KMT2C: variants seen among roughly 807,000 people sequenced by gnomAD.
KMT2C encodes the protein histone-lysine N-methyltransferase 2C.
KMT2C carries 88 observed loss-of-function variants against 507.9 expected under a neutral mutation model. That is an observed-to-expected ratio of 0.17 (90% CI 0.15 to 0.21). The LOEUF is 0.21. Ranked by LOEUF, KMT2C falls within the 10% of genes least tolerant of loss-of-function variation. The pLI is 1.00. For missense variants in KMT2C, 4,954 were observed against 5,957.8 expected (o/e 0.83, Z 5.55); for synonymous variants, 2,049 against 2,080.8 (o/e 0.98, Z 0.42).
intron 6 of KMT2C, among the ~76,000 whole-genome samples, chr7:152,305,187 T>C (rs539446492): frequency 6.6e-6 from 1 of 152,200 alleles, no homozygotes; most frequent in African/African-American, 2.4e-5. Flanking sequence ...ACTAGTATAC[T>C]AGTGAGAGGG....
At chr7:152,413,167 T>A (rs1224750978) in intron 1 of KMT2C, among the ~76,000 whole-genome samples, 2 of 152,166 alleles carry the variant, frequency 1.3e-5, no homozygotes, top group Admixed American at 6.5e-5. Context: ...CAGGCTGGAG[T>A]GCAGTGGTGC....
intron 1 of KMT2C, among the ~76,000 whole-genome samples, chr7:152,395,359 C>A (rs1179296085): frequency 6.6e-6 from 1 of 151,658 alleles, no homozygotes; most frequent in Admixed American, 6.6e-5. Context: ...TTTCTTTCCC[C>A]CCCCCAGTTA....
chr7:152,434,980 T>C (rs1259345342), intron 1 of KMT2C, among the ~76,000 whole-genome samples: 2 of 152,004 alleles, frequency 1.3e-5, no homozygotes, highest in South Asian at 4.1e-4. Flanking sequence ...ACAGGACTTG[T>C]GCTTTCGGAG....
chr7:152,183,143 T>A lies in KMT2C; in HGVS notation c.5096A>T (p.Asp1699Val). ...ATTAATGCGTAAAGCAGCTCTGTTA[T>A]CTCTGGCTTTTTGCTTTGACAAAAG... is the stretch of plus-strand genomic sequence containing the variant. The part of the protein sequence containing the change: ...ERAPYVQKAR[D>V]NRAALRINKV... The change falls in exon 35 of 59, where the codon GAT (aspartate) becomes GTT (valine). Residue 1699 changes from aspartate (D) to valine (V), a missense_variant. Coordinates refer to ENST00000262189, the MANE Select transcript of KMT2C (RefSeq NM_170606.3). 6.4e-7 allele frequency: 1 copy of A among 1,556,816 alleles called. No homozygotes were observed. Among genetic ancestry groups the A allele is most frequent in the Non-Finnish European group, 8.6e-7 (1 of 1,158,142 alleles).
chr7:152,420,433 T>C (rs2097770515), intron 1 of KMT2C, among the ~76,000 whole-genome samples: 1 of 152,178 alleles, frequency 6.6e-6, no homozygotes, highest in East Asian at 1.9e-4. Flanking sequence ...CTATCTCCAG[T>C]GTTTGGAATG....
intron 23 of KMT2C, among the ~76,000 whole-genome samples, chr7:152,213,513 C>G (rs1451451796): frequency 1.3e-5 from 2 of 151,950 alleles, no homozygotes; most frequent in Non-Finnish European, 2.9e-5. Context: ...TATCTATATG[C>G]AAAAGAATGA....
intron 1 of KMT2C, among the ~76,000 whole-genome samples, chr7:152,392,946 T>G (rs1025949586): frequency 6.6e-6 from 1 of 152,140 alleles, no homozygotes; most frequent in African/African-American, 2.4e-5. Flanking sequence ...AATTTAAACA[T>G]TAGCCGGGTG....
At chr7:152,164,768 A>G (rs560660499) in intron 42 of KMT2C, among the ~76,000 whole-genome samples, 2 of 152,374 alleles carry the variant, frequency 1.3e-5, no homozygotes, top group Admixed American at 6.5e-5. Flanking sequence ...GACTCTTAAT[A>G]TAATGGCTAA....
chr7:152,258,722 C>CAGACATGGTCTGTTTTTATTACAG (rs2095705834), intron 9 of KMT2C, among the ~76,000 whole-genome samples: 1 of 152,148 alleles, frequency 6.6e-6, no homozygotes, highest in African/African-American at 2.4e-5. Flanking sequence ...GACAGGGTTT[C>CAGACATGGTCTGTTTTTATTACAG]ACCATGTTGG....
At chr7:152,371,866 G>A (rs910386389) in intron 1 of KMT2C, among the ~76,000 whole-genome samples, 3 of 151,702 alleles carry the variant, frequency 2.0e-5, no homozygotes, top group African/African-American at 4.8e-5. Context: ...CACCTGCCTT[G>A]GCCTCCCTAA....
chr7:152,330,213 C>G (rs1393099276), intron 3 of KMT2C, among the ~76,000 whole-genome samples: 1 of 151,368 alleles, frequency 6.6e-6, no homozygotes, highest in Admixed American at 6.6e-5. Flanking sequence ...GTTATAATGT[C>G]CTGTGTTTCC....
chr7:152,194,445 G>C lies in KMT2C; in HGVS notation c.4502C>G (p.Thr1501Arg), dbSNP rs1448100866. 1 of 1,613,308 alleles carries C rather than the reference G, an allele frequency of 6.2e-7. No individual in the cohort carries two copies. The highest frequency in any genetic ancestry group is 8.5e-7 in the Non-Finnish European group (1 of 1,179,520). Residue 1501 changes from threonine (T) to arginine (R), a missense_variant, in exon 29 of 59, where the codon ACA becomes AGA. Around this residue, in one of 29 missense-constraint regions of KMT2C, gnomAD observed 195 missense variants for 183.7 expected, o/e 1.06. Coordinates refer to ENST00000262189, the MANE Select transcript of KMT2C (RefSeq NM_170606.3). ...ATGTAGGGCAAATATTTTACCATCT[G>C]TGACCATTTTGTCTAGTTCAGGACT... Reference protein sequence around the residue: ...ILSPELDKMVTDGAILGKLYK... With the variant: ...ILSPELDKMVRDGAILGKLYK...
intron 18 of KMT2C, among the ~76,000 whole-genome samples, chr7:152,226,945 A>G (rs995863634): frequency 1.2e-4 from 19 of 152,254 alleles, no homozygotes; most frequent in Non-Finnish European, 2.9e-5. Flanking sequence ...AGTGGCAGAC[A>G]GATCTGAGGT....
chr7:152,358,866 T>C (rs991395587), intron 1 of KMT2C, among the ~76,000 whole-genome samples, 191 bp from the exon 2 acceptor site: 11 of 152,132 alleles, frequency 7.2e-5, no homozygotes, highest in Non-Finnish European at 2.9e-5. Context: ...ATCCAGCACT[T>C]CCTTATACTC....
At chr7:152,255,117 A>ATG (rs1725853434) in intron 9 of KMT2C, among the ~76,000 whole-genome samples, 1 of 96,496 alleles carries the variant, frequency 1.0e-5, no homozygotes, top group Non-Finnish European at 1.8e-5. Flanking sequence ...ACTTATATAT[A>ATG]TATATATATA....
intron 35 of KMT2C, among the ~76,000 whole-genome samples, 186 bp downstream of exon 35, chr7:152,182,788 T>C (rs1198730504): frequency 6.6e-6 from 1 of 152,206 alleles, no homozygotes; most frequent in Admixed American, 6.5e-5. Flanking sequence ...GGGCAGTATA[T>C]TGTTTATAAT....
In KMT2C at chr7:152,141,712, C is replaced by CAAAAAAAAAAAA. The variant is rs1249621681; in HGVS notation, c.14344-1933_14344-1922dup. On this transcript the variant is annotated intron_variant, in intron 55 of 58. Transcript: ENST00000262189. ...TGGGTGACAGAGGAAGACTCTGTCT[C>CAAAAAAAAAAAA]AAAAAAAAAAAAAAAAAAAATTCAT... Among the ~76,000 whole-genome samples, 156 of 61,848 alleles carry CAAAAAAAAAAAA rather than the reference C, an allele frequency of 2.5e-3. 1 individual carries two copies. Among genetic ancestry groups the CAAAAAAAAAAAA allele is most frequent in the African/African-American group, 8.7e-3 (150 of 17,204 alleles). The allele number at this position is 61,848 out of a possible 152,430, so 40.6% of individuals were successfully genotyped here. A position where few individuals can be genotyped will look rare whatever the true frequency, so the allele number is the denominator to read the frequency against.
At chr7:152,228,676 T>C (rs1381057508) in intron 18 of KMT2C, among the ~76,000 whole-genome samples, 1 of 152,186 alleles carries the variant, frequency 6.6e-6, no homozygotes, top group Non-Finnish European at 1.5e-5. Flanking sequence ...TACATTACTA[T>C]CTTGAAAGGG....
chr7:152,189,002 C>A (rs2093710881), intron 31 of KMT2C, among the ~76,000 whole-genome samples: 1 of 152,160 alleles, frequency 6.6e-6, no homozygotes, highest in African/African-American at 2.4e-5. Flanking sequence ...CCTAAAAATA[C>A]ATACACTCTG....
Sources: gnomAD v4.1 joint callset for allele counts (sites outside exome capture counted in the v4.1 genomes callset) on GRCh38, gnomAD v4.1.1 for gene constraint, gnomAD v4.1.1 regional missense constraint, MANE v1.5 for transcripts, NCBI Gene and HGNC (gene_info 2026-07-23, HGNC 2026-07-21) for gene names.